Variants in NCBP1 observed in about 807,000 individuals in gnomAD.
NCBP1 encodes the protein nuclear cap binding protein subunit 1.
NCBP1 carries 16 observed loss-of-function variants against 111.7 expected under a neutral mutation model. The observed-to-expected ratio is 0.14, with a 90% CI of 0.10 to 0.22. The LOEUF is 0.22. Ranked by LOEUF, NCBP1 falls within the 10% of genes least tolerant of loss-of-function variation. The pLI, the probability that NCBP1 is intolerant of heterozygous loss-of-function variation, is 1.00. For synonymous variants in NCBP1, 304 were observed against 314.3 expected (o/e 0.97, Z 0.35); for missense variants, 607 against 957.5 (o/e 0.63, Z 4.83).
Position 97,669,912 on chromosome 9 carries a change from C to G in NCBP1, c.2259+206C>G, listed in dbSNP as rs369382562. On this transcript the variant is annotated intron_variant, in intron 22 of 22. Coordinates refer to ENST00000375147, the MANE Select transcript of NCBP1 (RefSeq NM_002486.5). ...ACTTAGATTCCTAATTGCCACCCCC[C>G]CAACAACCCCCCGCCCCACCTTTTT... is the stretch of plus-strand genomic sequence containing the variant. The G allele has an allele frequency of 4.7e-4, 293 of 623,906 alleles. No homozygotes were observed. The African/African-American group carries it at 5.0e-3, about 11-fold the overall frequency. 38.6% of individuals were successfully genotyped at this position (623,906 alleles called of 1,614,324 possible).
rs927865063 is a variant in NCBP1, at chr9:97,671,592, A to G, written c.*393A>G. ...ATAACTTTTCACAGCTCGGGGATGA[A>G]TTAACATGGCTGAAATAAAACTAAA... On this transcript the variant is annotated 3_prime_UTR_variant, in exon 23 of 23. Transcript: ENST00000375147. 2.6e-5 allele frequency: 4 copies of G among 156,426 alleles called. No homozygotes were observed. The highest frequency in any genetic ancestry group is 9.6e-5 in the African/African-American group (4 of 41,618). 9.7% of individuals were successfully genotyped at this position (156,426 alleles called of 1,614,324 possible).
chr9:97,667,438 G>A (rs117656206), intron 20 of NCBP1, among the ~76,000 whole-genome samples: 2,089 of 152,280 alleles, frequency 0.014, 102 homozygotes, highest in East Asian at 0.12. Context: ...TGAGTTTAGT[G>A]CCCTATAGGA....
intron 1 of NCBP1, among the ~76,000 whole-genome samples, chr9:97,636,516 TTTATATTTATATATTATA>T (rs1368074888): frequency 4.6e-5 from 3 of 65,244 alleles, no homozygotes; most frequent in Non-Finnish European, 1.2e-4. Context: ...ATATTATAAA[TTTATATTTATATATTATA>T]TAAGTTTGTT....
chr9:97,646,669 C>CT (rs983232412), intron 6 of NCBP1, among the ~76,000 whole-genome samples: 13 of 151,940 alleles, frequency 8.6e-5, no homozygotes, highest in Non-Finnish European at 1.9e-4. Context: ...AAACCCATCT[C>CT]TACTAAAAAA....
At chr9:97,663,610 G>A (rs184993673) in intron 18 of NCBP1, among the ~76,000 whole-genome samples, 4 of 151,608 alleles carry the variant, frequency 2.6e-5, no homozygotes, top group Non-Finnish European at 4.4e-5. Flanking sequence ...TCAGCCTCCC[G>A]AGTAGCTGGG....
chr9:97,643,333 A>C lies in NCBP1; in HGVS notation c.354A>C (p.Ala118=), dbSNP rs368169144. 85 of 1,605,468 alleles carry C rather than the reference A, an allele frequency of 5.3e-5. No homozygotes were observed. The highest frequency in any genetic ancestry group is 1.0e-4 in the Admixed American group (6 of 57,390). ...MIRQLKESLK[A]NNYNEAVYLV... Reference sequence around the variant, plus strand: ...GTCAACTTAAAGAATCATTGAAAGCAAACAATTATAATGAAGCCGTGTATT... The same window carrying C: ...GTCAACTTAAAGAATCATTGAAAGCCAACAATTATAATGAAGCCGTGTATT... The change falls in exon 4 of 23, where the codon GCA becomes GCC. Residue 118 remains alanine (A), a synonymous_variant. Coordinates refer to ENST00000375147, the MANE Select transcript of NCBP1 (RefSeq NM_002486.5).
At chr9:97,654,776 T>G in intron 11 of NCBP1, 104 bp from the exon 12 acceptor site, 1 of 997,986 alleles carries the variant, frequency 1.0e-6, no homozygotes, top group Non-Finnish European at 1.5e-6. Context: ...TGTTCAGCAT[T>G]ATTAATCATT....
intron 10 of NCBP1, among the ~76,000 whole-genome samples, chr9:97,651,855 A>G (rs755444497): frequency 1.3e-5 from 2 of 152,168 alleles, no homozygotes; most frequent in Non-Finnish European, 2.9e-5. Context: ...TTAGAAATCT[A>G]AAGAGCCAAG....
At chr9:97,649,112 G>C (rs896448593) in intron 8 of NCBP1, among the ~76,000 whole-genome samples, 1 of 152,098 alleles carries the variant, frequency 6.6e-6, no homozygotes, top group Non-Finnish European at 1.5e-5. Flanking sequence ...ATGATTATTT[G>C]AAAACAAATG....
intron 22 of NCBP1, 109 bp from the exon 23 acceptor site, chr9:97,670,977 T>G: frequency 1.6e-6 from 1 of 616,050 alleles, no homozygotes; most frequent in Non-Finnish European, 2.8e-6. Context: ...TTTTTTCCCC[T>G]TCCTCTTTTC....
intron 22 of NCBP1, 82 bp from the exon 23 acceptor site, chr9:97,671,004 G>A (rs1343389978): frequency 7.2e-6 from 6 of 828,504 alleles, no homozygotes; most frequent in Non-Finnish European, 9.8e-6. Context: ...CTGCAGCATG[G>A]GTGGGCTGCT....
At chr9:97,654,853 A>G (rs774903350) in intron 11 of NCBP1, 27 bp from the exon 12 acceptor site, 3 of 1,606,962 alleles carry the variant, frequency 1.9e-6, no homozygotes, top group Non-Finnish European at 2.6e-6. Context: ...AAAGTGGAGA[A>G]TAGTTTTCCT....
At chr9:97,647,374 C>T (rs771710126) in intron 6 of NCBP1, 118 bp from the exon 7 acceptor site, 1 of 698,460 alleles carries the variant, frequency 1.4e-6, no homozygotes, top group Non-Finnish European at 2.4e-6. Context: ...TGATATCTGC[C>T]ACTCCAGTAG....
rs1827534656 is a variant in NCBP1 at position 97,652,763 on chromosome 9, A to G, written c.1060-1035A>G. Among the ~76,000 whole-genome samples the G allele has an allele frequency of 2.0e-5, 3 of 152,262 alleles. No homozygotes were observed. In the South Asian group the frequency reaches 6.2e-4, roughly 32 times the overall value. Reference sequence around the variant, plus strand: ...TTGCACTTTGGTGCCTTTTTAAAAAAAGTACTGTGTATTTCCTATCTTTAC... The same window carrying G: ...TTGCACTTTGGTGCCTTTTTAAAAAGAGTACTGTGTATTTCCTATCTTTAC... On this transcript the variant is annotated intron_variant, in intron 10 of 22. Transcript: ENST00000375147.
rs550001979 is a variant in NCBP1, at chr9:97,665,329, C to T, written c.1901+886C>T. Among the ~76,000 whole-genome samples the T allele has an allele frequency of 4.6e-5, 7 of 152,318 alleles. No individual in the cohort carries two copies. In the South Asian group the frequency reaches 1.2e-3, roughly 27 times the overall value. On this transcript the variant is annotated intron_variant, in intron 19 of 22. Transcript: ENST00000375147. ...TTTAACCATTGTCCTGAGTGATTTA[C>T]GTTTTCAATTCATTTTATCCTTACC...
At chr9:97,645,870 T>A (rs1177534711) in intron 6 of NCBP1, 138 bp downstream of exon 6, 1 of 1,074,546 alleles carries the variant, frequency 9.3e-7, no homozygotes. Flanking sequence ...CCTGCTGTTT[T>A]AACTCACTGA....
intron 1 of NCBP1, among the ~76,000 whole-genome samples, chr9:97,636,397 G>T (rs917507860): frequency 6.7e-6 from 1 of 150,128 alleles, no homozygotes; most frequent in African/African-American, 2.4e-5. Flanking sequence ...GTCAGTCACT[G>T]CCCTGACTTT....
At chr9:97,670,160 AGGCCTCC>A (rs1488433025) in intron 22 of NCBP1, 1 of 243,206 alleles carries the variant, frequency 4.1e-6, no homozygotes, top group Non-Finnish European at 8.3e-6. Flanking sequence ...TGACCTCAGG[AGGCCTCC>A]GCCTCCCAAA....
rs1390071859 is a variant in NCBP1, at chr9:97,671,189, T to TGCAG, written c.2366_2369dup (p.Ter791GlyfsTer14). 1 of 1,606,404 alleles carries TGCAG rather than the reference T, an allele frequency of 6.2e-7. No homozygotes were observed. The highest frequency in any genetic ancestry group is 8.5e-7 in the Non-Finnish European group (1 of 1,173,384). The stretch of plus-strand genomic sequence containing the variant: ...GCCGTGTTCCAGCAGTTCTGTGCCC[T>TGCAG]GCAGGCCTAAGGGTCATTTTTTCCT... On this transcript the variant is annotated frameshift_variant, in exon 23 of 23. Transcript: ENST00000375147. LOFTEE classifies it high-confidence loss of function.
Sources: gnomAD v4.1 joint callset for allele counts (sites outside exome capture counted in the v4.1 genomes callset) on GRCh38, gnomAD v4.1.1 for gene constraint, MANE v1.5 for transcripts, NCBI Gene and HGNC (gene_info 2026-07-23, HGNC 2026-07-21) for gene names.